INVS: variants seen among roughly 807,000 people sequenced by gnomAD.
INVS encodes the protein inversion of embryo turning homolog.
In INVS, 86 loss-of-function variants were observed where a neutral mutation model predicts 108.8. That is an observed-to-expected ratio of 0.79 (90% CI 0.66 to 0.95). The LOEUF is 0.95. INVS is among the 40% of genes least tolerant of loss of function. The probability of loss-of-function intolerance (pLI) is 0.00; values close to 1 mark genes in which losing one functional copy is unlikely to be tolerated. For missense variants in INVS, 1,169 were observed against 1,297.4 expected (o/e 0.90, Z 1.52); for synonymous variants, 455 against 473.5 (o/e 0.96, Z 0.51).
In INVS at chr9:100,301,903, T is replaced by C. The variant is rs1411587013; in HGVS notation, c.*1229T>C. On this transcript the variant is annotated 3_prime_UTR_variant, in exon 17 of 17. Transcript: ENST00000262457. ...AAGATTTAGCCAGTTTCTTGGTATA[T>C]AACAGAAGGTACCACAGTATCACTC... is the stretch of plus-strand genomic sequence containing the variant. 6.6e-6 allele frequency among the ~76,000 whole-genome samples: 1 copy of C among 152,182 alleles called. No homozygotes were observed. Among genetic ancestry groups the C allele is most frequent in the African/African-American group, 2.4e-5 (1 of 41,436 alleles).
chr9:100,227,991 C>CTTTTTTTTTT (rs33912012), intron 4 of INVS, among the ~76,000 whole-genome samples: 9 of 133,424 alleles, frequency 6.7e-5, no homozygotes, highest in African/African-American at 1.1e-4. Context: ...TTCTTTCTTT[C>CTTTTTTTTTT]TTTTTTTTTT....
intron 3 of INVS, among the ~76,000 whole-genome samples, chr9:100,182,829 C>T (rs1468057320): frequency 1.3e-5 from 2 of 152,142 alleles, no homozygotes; most frequent in Non-Finnish European, 2.9e-5. Flanking sequence ...CACATGCACA[C>T]ATATGTTTAT....
At chr9:100,170,479 T>C (rs1353932100) in intron 3 of INVS, among the ~76,000 whole-genome samples, 1 of 151,890 alleles carries the variant, frequency 6.6e-6, no homozygotes. Context: ...GAGGGAGGAT[T>C]GCTTGAGCCT....
At chr9:100,135,446 C>A (rs1213094974) in intron 3 of INVS, among the ~76,000 whole-genome samples, 1 of 152,044 alleles carries the variant, frequency 6.6e-6, no homozygotes, top group Admixed American at 6.5e-5. Context: ...TGGTGTGGGG[C>A]CAGAGAATGT....
rs59469475 is a variant in INVS at position 100,273,975 on chromosome 9, C to T, written c.1784+899C>T. 0.015 allele frequency among the ~76,000 whole-genome samples: 2,248 copies of T among 152,254 alleles called. 242 individuals are homozygous for T. The East Asian group carries it at 0.29, about 20-fold the overall frequency. ...ATGGCAACTAAAAAAGCAAAATCCC[C>T]CCTGCCTCAAGGACTTCGCATTTTT... On this transcript the variant is annotated intron_variant, in intron 12 of 16. Coordinates refer to ENST00000262457, the MANE Select transcript of INVS (RefSeq NM_014425.5).
intron 3 of INVS, among the ~76,000 whole-genome samples, chr9:100,135,673 G>T (rs759775070): frequency 1.3e-5 from 2 of 152,230 alleles, no homozygotes; most frequent in African/African-American, 4.8e-5. Flanking sequence ...ACTAGTCCAG[G>T]TACAATTTTG....
At chr9:100,239,732 G>A (rs1040909670) in intron 5 of INVS, among the ~76,000 whole-genome samples, 17 of 152,112 alleles carry the variant, frequency 1.1e-4, no homozygotes, top group Non-Finnish European at 2.2e-4. Flanking sequence ...AGCATTTTGG[G>A]AGGCTGAGGT....
At chr9:100,248,821 T>C (rs2118539231) in intron 8 of INVS, among the ~76,000 whole-genome samples, 1 of 152,198 alleles carries the variant, frequency 6.6e-6, no homozygotes, top group African/African-American at 2.4e-5. Flanking sequence ...GGCTGGAAGA[T>C]GGACAAGGGA....
At chr9:100,222,319 T>G (rs1831176881) in intron 3 of INVS, among the ~76,000 whole-genome samples, 1 of 152,240 alleles carries the variant, frequency 6.6e-6, no homozygotes, top group Admixed American at 6.5e-5. Context: ...CAGGTACCAT[T>G]ATTACCCCTG....
In INVS at chr9:100,264,741, A is replaced by G. The variant is rs1832733455; in HGVS notation, c.1465-81A>G. The G allele has an allele frequency of 7.4e-6, 7 of 946,758 alleles. No individual in the cohort carries two copies. In the South Asian group the frequency reaches 9.4e-5, roughly 13 times the overall value. The allele number at this position is 946,758 out of a possible 1,614,324, so 58.6% of individuals were successfully genotyped here. On this transcript the variant is annotated intron_variant, in intron 10 of 16. Coordinates refer to ENST00000262457, the MANE Select transcript of INVS (RefSeq NM_014425.5). ...GCAATTTGGAAAAATGATTGCTTAT[A>G]TTAATTTTGAATTAGCATAAATAAC...
chr9:100,212,797 A>G (rs1200977719), intron 3 of INVS, among the ~76,000 whole-genome samples: 3 of 152,288 alleles, frequency 2.0e-5, no homozygotes, highest in African/African-American at 7.2e-5. Flanking sequence ...AGTGCTTCAC[A>G]TAACCTCCAG....
chr9:100,185,140 CT>C (rs1830014698), intron 3 of INVS, among the ~76,000 whole-genome samples: 2 of 151,942 alleles, frequency 1.3e-5, no homozygotes, highest in Non-Finnish European at 2.9e-5. Flanking sequence ...AATAGATTTA[CT>C]TTTTAAAATG....
At chr9:100,163,400 G>A (rs1829256868) in intron 3 of INVS, among the ~76,000 whole-genome samples, 1 of 151,866 alleles carries the variant, frequency 6.6e-6, no homozygotes, top group Non-Finnish European at 1.5e-5. Context: ...AAAATTGAAA[G>A]AATTCATTTA....
In INVS at chr9:100,272,874, C is replaced by G; in HGVS notation, c.1582C>G (p.Leu528Val). 6 of 1,613,954 alleles carry G rather than the reference C, an allele frequency of 3.7e-6. No homozygotes were observed. Among genetic ancestry groups the G allele is most frequent in the Non-Finnish European group, 4.2e-6 (5 of 1,179,938 alleles). Residue 528 changes from leucine to valine, a missense_variant, in exon 12 of 17, where the codon CTT becomes GTT. Coordinates refer to ENST00000262457, the MANE Select transcript of INVS (RefSeq NM_014425.5). ...MENNEERYTP[L>V]DYALLGERHE... ...TTCCTCCCACTTCAGATACACACCC[C>G]TTGATTATGCTTTGCTTGGTGAGCG... is the stretch of plus-strand genomic sequence containing the variant.
At position 100,296,908 on chromosome 9, in the gene INVS, C is replaced by A; in HGVS notation, c.2787-9C>A. 6.2e-7 allele frequency: 1 copy of A among 1,612,776 alleles called. No homozygotes were observed. The highest frequency in any genetic ancestry group is 8.5e-7 in the Non-Finnish European group (1 of 1,178,960). The stretch of plus-strand genomic sequence containing the variant: ...TCTTAAAGCCTCTCCTCTCCTCTGA[C>A]CCAACCAGCTACCAGCTCAGGAAGC... On this transcript the variant is annotated splice_polypyrimidine_tract_variant and intron_variant, in intron 14 of 16. Coordinates refer to ENST00000262457, the MANE Select transcript of INVS (RefSeq NM_014425.5).
At chr9:100,214,268 T>C (rs182668445) in intron 3 of INVS, among the ~76,000 whole-genome samples, 81 of 152,284 alleles carry the variant, frequency 5.3e-4, no homozygotes, top group Non-Finnish European at 1.0e-3. Context: ...TTTTGACCCA[T>C]GCAAGGGAGT....
chr9:100,154,871 T>A (rs763401039), intron 3 of INVS, among the ~76,000 whole-genome samples: 36 of 152,308 alleles, frequency 2.4e-4, no homozygotes, highest in Admixed American at 1.4e-3. Flanking sequence ...TCTTGTTCTA[T>A]AGTTTTGATT....
At chr9:100,281,734 C>G (rs1394185109) in intron 12 of INVS, among the ~76,000 whole-genome samples, 2 of 144,364 alleles carry the variant, frequency 1.4e-5, no homozygotes, top group African/African-American at 5.0e-5. Flanking sequence ...TGAAAAATCA[C>G]CCCCCTGGTA....
At chr9:100,183,771 A>G (rs987628786) in intron 3 of INVS, among the ~76,000 whole-genome samples, 2 of 149,140 alleles carry the variant, frequency 1.3e-5, no homozygotes, top group Non-Finnish European at 3.0e-5. Context: ...AGCCTGGGCA[A>G]CAGAGTGAAA....
Sources: allele counts gnomAD v4.1 joint callset (sites outside exome capture counted in the v4.1 genomes callset), GRCh38; gene constraint gnomAD v4.1.1; transcripts MANE v1.5; gene names NCBI Gene and HGNC (gene_info 2026-07-23, HGNC 2026-07-21).